Variants in ADAM18 observed in about 807,000 individuals in gnomAD.
The protein encoded by ADAM18 is ADAM metallopeptidase domain 18.
A neutral mutation model predicts 94.4 loss-of-function variants in ADAM18; 117 were observed. The observed-to-expected ratio is 1.24, with a 90% CI of 1.07 to 1.45. The LOEUF is 1.45. ADAM18 is among the 40% of genes most tolerant of loss of function. The probability of loss-of-function intolerance (pLI) is 0.00; values close to 1 mark genes in which losing one functional copy is unlikely to be tolerated. For synonymous variants in ADAM18, 327 were observed against 291.6 expected, an observed-to-expected ratio of 1.12 and a Z score of -1.24; for missense variants, 936 against 880.0, an observed-to-expected ratio of 1.06 and a Z score of -0.81.
chr8:39,654,994 C>G (rs1327326473), intron 12 of ADAM18, among the ~76,000 whole-genome samples: 2 of 152,024 alleles, frequency 1.3e-5, no homozygotes, highest in African/African-American at 4.8e-5. Flanking sequence ...GTTGTCTCTT[C>G]ACTCTGTTAA....
chr8:39,723,160 CT>C (rs1396457855), intron 18 of ADAM18, among the ~76,000 whole-genome samples: 1 of 143,718 alleles, frequency 7.0e-6, no homozygotes, highest in Non-Finnish European at 1.5e-5. Flanking sequence ...GATATCTCAA[CT>C]TTTTAAGTAT....
At chr8:39,674,695 T>C (rs1435222638) in intron 14 of ADAM18, among the ~76,000 whole-genome samples, 3 of 152,238 alleles carry the variant, frequency 2.0e-5, no homozygotes, top group African/African-American at 7.2e-5. Flanking sequence ...TTCCCATTAA[T>C]TGATGCAGTT....
intron 18 of ADAM18, among the ~76,000 whole-genome samples, chr8:39,719,422 A>T (rs1018558066): frequency 6.6e-6 from 1 of 151,390 alleles, no homozygotes; most frequent in Non-Finnish European, 1.5e-5. Flanking sequence ...GATTTTGTAG[A>T]TATGACACCA....
At chr8:39,603,378 T>G (rs1170022361) in intron 2 of ADAM18, among the ~76,000 whole-genome samples, 1 of 152,232 alleles carries the variant, frequency 6.6e-6, no homozygotes, top group African/African-American at 2.4e-5. Context: ...CTTATTTTAT[T>G]GTGCTTTACT....
At chr8:39,688,561 A>T (rs1276954910) in intron 16 of ADAM18, among the ~76,000 whole-genome samples, 1 of 152,128 alleles carries the variant, frequency 6.6e-6, no homozygotes, top group Non-Finnish European at 1.5e-5. Context: ...AGAAGACATG[A>T]CCTCATTTTT....
intron 6 of ADAM18, among the ~76,000 whole-genome samples, chr8:39,623,095 A>G (rs1819660080): frequency 6.6e-6 from 1 of 152,122 alleles, no homozygotes; most frequent in South Asian, 2.1e-4. Flanking sequence ...ATACCACTTA[A>G]AAGTGAGAAC....
At chr8:39,724,335 G>A (rs75435025) in intron 19 of ADAM18, among the ~76,000 whole-genome samples, 2,943 of 151,794 alleles carry the variant, frequency 0.019, 103 homozygotes, top group African/African-American at 0.067. Context: ...CTTCAAAATT[G>A]TATAATTTGT....
intron 2 of ADAM18, among the ~76,000 whole-genome samples, chr8:39,590,980 T>G (rs1259168983): frequency 6.6e-6 from 1 of 152,214 alleles, no homozygotes; most frequent in Non-Finnish European, 1.5e-5. Flanking sequence ...TCACACAAAC[T>G]GGTATCCCAG....
intron 2 of ADAM18, among the ~76,000 whole-genome samples, chr8:39,589,113 C>T (rs1315651904): frequency 6.6e-6 from 1 of 152,078 alleles, no homozygotes; most frequent in Non-Finnish European, 1.5e-5. Flanking sequence ...ATGAAGTAGT[C>T]TTGGTTTTGT....
rs529348187 is a variant in ADAM18, at chr8:39,626,818, C to G, written c.523-2556C>G. ...AAATTTATTGAGACTTATTTTGTGG[C>G]CTATCATATTATCTGTCTTGGAGAA... On this transcript the variant is annotated intron_variant, in intron 6 of 19. Coordinates refer to ENST00000265707, the MANE Select transcript of ADAM18 (RefSeq NM_014237.3). Among the ~76,000 whole-genome samples the G allele has an allele frequency of 8.5e-5, 13 of 152,060 alleles. No individual in the cohort carries two copies. In the South Asian group the frequency reaches 2.5e-3, roughly 29 times the overall value.
At chr8:39,645,113 G>C (rs533327637) in intron 10 of ADAM18, among the ~76,000 whole-genome samples, 7 of 152,046 alleles carry the variant, frequency 4.6e-5, no homozygotes, top group Non-Finnish European at 7.4e-5. Context: ...GAATTTTGGC[G>C]TGCAAAATTT....
At chr8:39,701,287 T>G (rs1209707918) in intron 17 of ADAM18, among the ~76,000 whole-genome samples, 2 of 151,502 alleles carry the variant, frequency 1.3e-5, no homozygotes, top group Admixed American at 6.6e-5. Context: ...ATATGTTCAT[T>G]GTGGTGTATT....
At chr8:39,677,371 C>G in intron 14 of ADAM18, 60 bp from the exon 15 acceptor site, 1 of 1,367,186 alleles carries the variant, frequency 7.3e-7, no homozygotes, top group South Asian at 1.3e-5. Context: ...TAGTCTGTTA[C>G]TGACAAACAT....
At position 39,637,042 on chromosome 8, in the gene ADAM18, T is replaced by C. The variant is rs1340050100; in HGVS notation, c.589-222T>C. ...TTTTATATATATATATATATATATA[T>C]ATATATATATATATATATATATATG... is the stretch of plus-strand genomic sequence containing the variant. On this transcript the variant is annotated intron_variant, in intron 7 of 19. Coordinates refer to ENST00000265707, the MANE Select transcript of ADAM18 (RefSeq NM_014237.3). 1.7e-3 allele frequency among the ~76,000 whole-genome samples: 244 copies of C among 143,020 alleles called. 13 individuals carry two copies. The highest frequency in any genetic ancestry group is 5.3e-3 in the African/African-American group (207 of 38,694). 93.8% of individuals were successfully genotyped at this position (143,020 alleles called of 152,430 possible).
chr8:39,712,003 T>G (rs183147084), intron 18 of ADAM18, among the ~76,000 whole-genome samples: 62 of 143,548 alleles, frequency 4.3e-4, no homozygotes, highest in Admixed American at 1.1e-3. Flanking sequence ...CATGGAATAA[T>G]ATAAAATGGT....
intron 17 of ADAM18, among the ~76,000 whole-genome samples, chr8:39,698,711 G>A (rs952178081): frequency 1.3e-4 from 20 of 152,124 alleles, no homozygotes; most frequent in African/African-American, 4.6e-4. Flanking sequence ...AGGCTTTATA[G>A]TTTTCTCTTG....
chr8:39,667,883 CT>C, intron 13 of ADAM18, 114 bp from the exon 14 acceptor site: 1 of 1,072,824 alleles, frequency 9.3e-7, no homozygotes, highest in Non-Finnish European at 1.3e-6. Flanking sequence ...CTTGGGAACT[CT>C]GGTGTTCCCT....
At chr8:39,629,508 T>C in intron 7 of ADAM18, 69 bp downstream of exon 7, 1 of 1,008,938 alleles carries the variant, frequency 9.9e-7, no homozygotes, top group Non-Finnish European at 1.5e-6. Flanking sequence ...CTTTCCTTCT[T>C]GCATTCCTGT....
intron 2 of ADAM18, among the ~76,000 whole-genome samples, chr8:39,595,098 C>T (rs1219492907): frequency 1.3e-5 from 2 of 152,108 alleles, no homozygotes; most frequent in Non-Finnish European, 2.9e-5. Context: ...TTCCTCTCTA[C>T]ATTTTTTGTA....
Sources: allele counts gnomAD v4.1 joint callset (sites outside exome capture counted in the v4.1 genomes callset), GRCh38; gene constraint gnomAD v4.1.1; transcripts MANE v1.5; gene names NCBI Gene and HGNC (gene_info 2026-07-23, HGNC 2026-07-21).